Variants in XYLT1 observed in about 807,000 individuals in gnomAD.
XYLT1 encodes the protein xylosyltransferase 1.
In XYLT1, 36 loss-of-function variants were observed where a neutral mutation model predicts 91.3. The observed-to-expected ratio is 0.39, with a 90% confidence interval of 0.30 to 0.52. The LOEUF is 0.52. XYLT1 is among the 20% of genes least tolerant of loss of function. The pLI is 0.68. For missense variants in XYLT1, 1,242 were observed against 1,284.5 expected (o/e 0.97, Z 0.51); for synonymous variants, 588 against 532.0 (o/e 1.11, Z -1.45).
Position 17,413,548 on chromosome 16 carries a change from C to A in XYLT1, c.364-55498G>T, listed in dbSNP as rs151148166. On this transcript the variant is annotated intron_variant, in intron 1 of 11. Coordinates refer to ENST00000261381, the MANE Select transcript of XYLT1 (RefSeq NM_022166.4). ...GCAGCCTCAACCTCTTGGGTTCAATCAACCTCAGTGTTCGGAGTACCTGGG... is the reference window on the plus strand; with the variant it reads ...GCAGCCTCAACCTCTTGGGTTCAATAAACCTCAGTGTTCGGAGTACCTGGG... 6.0e-4 allele frequency among the ~76,000 whole-genome samples: 91 copies of A among 151,642 alleles called. 1 individual carries two copies. The highest frequency in any genetic ancestry group is 2.0e-3 in the African/African-American group (83 of 41,304).
At chr16:17,140,066 T>C (rs68064908) in intron 7 of XYLT1, among the ~76,000 whole-genome samples, 57,973 of 151,934 alleles carry the variant, frequency 0.38, 11,824 homozygotes, top group East Asian at 0.77. Flanking sequence ...TCAAGCTGGA[T>C]TGGAAATGAG....
At chr16:17,138,587 C>G in intron 7 of XYLT1, 56 bp from the exon 8 acceptor site, 2 of 1,585,238 alleles carry the variant, frequency 1.3e-6, no homozygotes, top group African/African-American at 1.3e-5. Flanking sequence ...CACAGATGAA[C>G]TGGGGTGGGA....
At chr16:17,459,819 C>T (rs527513883) in intron 1 of XYLT1, among the ~76,000 whole-genome samples, 2 of 152,302 alleles carry the variant, frequency 1.3e-5, no homozygotes, top group South Asian at 4.1e-4. Context: ...CAGACCCCAA[C>T]CAGTATCTGA....
intron 2 of XYLT1, among the ~76,000 whole-genome samples, chr16:17,290,616 T>C (rs1268963236): frequency 6.6e-6 from 1 of 152,258 alleles, no homozygotes; most frequent in African/African-American, 2.4e-5. Flanking sequence ...CATGCACTTG[T>C]AAATGTCTGC....
intron 2 of XYLT1, among the ~76,000 whole-genome samples, chr16:17,262,905 G>A (rs1204374926): frequency 6.6e-6 from 1 of 152,164 alleles, no homozygotes; most frequent in Non-Finnish European, 1.5e-5. Flanking sequence ...CTTCCTTTGA[G>A]CTGAGTCAGG....
chr16:17,198,274 C>T lies in XYLT1; in HGVS notation c.1227G>A (p.Leu409=), dbSNP rs142693909. 46 of 1,614,210 alleles carry T rather than the reference C, an allele frequency of 2.8e-5. No homozygotes were observed. In the African/African-American group the frequency reaches 4.9e-4, roughly 17 times the overall value. The change falls in exon 5 of 12, where the codon CTG becomes CTA. Residue 409 remains leucine (L), a synonymous_variant. Coordinates refer to ENST00000261381, the MANE Select transcript of XYLT1 (RefSeq NM_022166.4). ...AGTCCCAGGGCCAGTCGGTCATCTC[C>T]AGGAGGTCCCGCATGCTCTGCAGGT... The part of the protein sequence containing the change: ...STYLQSMRDL[L]EMTDWPWDFF...
chr16:17,341,948 C>G (rs1167717547), intron 2 of XYLT1, among the ~76,000 whole-genome samples: 3 of 152,224 alleles, frequency 2.0e-5, no homozygotes, highest in Non-Finnish European at 4.4e-5. Context: ...ATCCTTCCCC[C>G]TCACCCATCT....
At chr16:17,138,305 TGTTGGGAAGGCATC>T (rs1567291241) in intron 8 of XYLT1, 36 bp downstream of exon 8, 2 of 1,590,412 alleles carry the variant, frequency 1.3e-6, no homozygotes, top group East Asian at 4.5e-5. Context: ...TGCAGAGGTT[TGTTGGGAAGGCATC>T]ACTTAGGAGG....
intron 11 of XYLT1, among the ~76,000 whole-genome samples, chr16:17,109,497 A>C (rs184475685): frequency 1.3e-5 from 2 of 152,354 alleles, no homozygotes; most frequent in Admixed American, 1.3e-4. Flanking sequence ...CAAAGAAATA[A>C]GTAGATAAAT....
rs768248760 is a variant in XYLT1 at position 17,259,475 on chromosome 16, C to T, written c.426G>A (p.Pro142=). 49 of 1,609,260 alleles carry T rather than the reference C, an allele frequency of 3.0e-5. No individual in the cohort carries two copies. Among genetic ancestry groups the T allele is most frequent in the Non-Finnish European group, 3.9e-5 (46 of 1,178,110 alleles). ...ETQDGYFSHR[P]KEKVRTDSNN... ...TGCTGTCTGTTCGCACTTTCTCTTT[C>T]GGCCGATGAGAAAAGTAGCCATCCT... Residue 142 remains proline, a synonymous_variant, in exon 3 of 12, where the codon CCG becomes CCA. Coordinates refer to ENST00000261381, the MANE Select transcript of XYLT1 (RefSeq NM_022166.4).
chr16:17,376,876 C>G (rs1313402067), intron 1 of XYLT1, among the ~76,000 whole-genome samples: 1 of 120,356 alleles, frequency 8.3e-6, no homozygotes, highest in Admixed American at 8.3e-5. Flanking sequence ...GACGAATGAA[C>G]AAGAAATGCA....
intron 1 of XYLT1, among the ~76,000 whole-genome samples, chr16:17,448,251 C>T (rs1410074415): frequency 1.3e-5 from 2 of 152,124 alleles, no homozygotes; most frequent in Non-Finnish European, 2.9e-5. Context: ...GCCTAAAATC[C>T]CAGCTACTTG....
rs575602629 is a variant in XYLT1, at chr16:17,194,567, C to G, written c.1289+3645G>C. Among the ~76,000 whole-genome samples the G allele has an allele frequency of 4.4e-3, 671 of 152,334 alleles. 4 individuals carry two copies. Among genetic ancestry groups the G allele is most frequent in the Middle Eastern group, 6.8e-3 (2 of 294 alleles). ...CAATGGGGGTCCTCCCAGGACCATC[C>G]TGGACATCCCTGCTGCAGGCAGTCC... On this transcript the variant is annotated intron_variant, in intron 5 of 11. Coordinates refer to ENST00000261381, the MANE Select transcript of XYLT1 (RefSeq NM_022166.4).
chr16:17,383,904 C>T lies in XYLT1; in HGVS notation c.364-25854G>A, dbSNP rs995544728. Among the ~76,000 whole-genome samples, 7 of 151,884 alleles carry T rather than the reference C, an allele frequency of 4.6e-5. 1 individual carries two copies. The East Asian group carries it at 8.0e-4, about 17-fold the overall frequency. ...CTGGGATTATAGGTGCCCGCCACCACGCCTGGCTAATTTTTGTATTTTTAG... is the reference window on the plus strand; with the variant it reads ...CTGGGATTATAGGTGCCCGCCACCATGCCTGGCTAATTTTTGTATTTTTAG... On this transcript the variant is annotated intron_variant, in intron 1 of 11. Transcript: ENST00000261381.
At chr16:17,241,281 C>A (rs1208746774) in intron 3 of XYLT1, among the ~76,000 whole-genome samples, 1 of 152,180 alleles carries the variant, frequency 6.6e-6, no homozygotes, top group Non-Finnish European at 1.5e-5. Flanking sequence ...AGAGGGAGGC[C>A]TGGATAACCA....
intron 6 of XYLT1, among the ~76,000 whole-genome samples, chr16:17,151,633 G>A (rs2031285520): frequency 6.6e-6 from 1 of 152,164 alleles, no homozygotes; most frequent in Non-Finnish European, 1.5e-5. Context: ...ACATGTACCA[G>A]TTATTATTGC....
chr16:17,357,188 A>AAC (rs1469442355), intron 2 of XYLT1, among the ~76,000 whole-genome samples: 2 of 147,968 alleles, frequency 1.4e-5, no homozygotes, highest in African/African-American at 2.6e-5. Context: ...AAAAAAAAAA[A>AAC]AAAAAAAAAA....
chr16:17,413,040 C>T (rs1053117323), intron 1 of XYLT1, among the ~76,000 whole-genome samples: 3 of 152,168 alleles, frequency 2.0e-5, no homozygotes, highest in Non-Finnish European at 4.4e-5. Flanking sequence ...CTAGTCCAGA[C>T]CACAAGCTGG....
intron 1 of XYLT1, among the ~76,000 whole-genome samples, chr16:17,463,294 G>T (rs2036844996): frequency 6.6e-6 from 1 of 152,046 alleles, no homozygotes; most frequent in Admixed American, 6.6e-5. Flanking sequence ...TCTACAAAAT[G>T]GAAGAAAATA....
Sources: gnomAD v4.1 joint callset for allele counts (sites outside exome capture counted in the v4.1 genomes callset) on GRCh38, gnomAD v4.1.1 for gene constraint, MANE v1.5 for transcripts, NCBI Gene and HGNC (gene_info 2026-07-23, HGNC 2026-07-21) for gene names.